ARRDC2: variants seen among roughly 807,000 people sequenced by gnomAD.
ARRDC2 encodes arrestin domain-containing protein 2.
In ARRDC2, 39 loss-of-function variants were observed where a neutral mutation model predicts 38.9. The observed-to-expected ratio is 1.00, with a 90% CI of 0.78 to 1.31. The LOEUF is 1.31. Among genes scored for constraint, ARRDC2 ranks in the 50% most tolerant of loss-of-function variants. The probability of loss-of-function intolerance (pLI) is 0.00; values close to 1 mark genes in which losing one functional copy is unlikely to be tolerated. For synonymous variants in ARRDC2, 300 were observed against 261.9 expected (o/e 1.15, Z -1.41); for missense variants, 553 against 588.4 (o/e 0.94, Z 0.62).
intron 7 of ARRDC2, 21 bp downstream of exon 7, chr19:18,010,750 A>G (rs751466808): frequency 6.2e-7 from 1 of 1,611,662 alleles, no homozygotes; most frequent in Non-Finnish European, 8.5e-7. Context: ...GGGTCTGAGA[A>G]CCACCCATGC....
At chr19:18,003,093 C>G (rs2033209238) in intron 1 of ARRDC2, among the ~76,000 whole-genome samples, 1 of 151,912 alleles carries the variant, frequency 6.6e-6, no homozygotes. Context: ...GAGCGAAACT[C>G]CGTCTCAAAA....
Position 18,008,442 on chromosome 19 carries a change from G to T in ARRDC2, c.132G>T (p.Val44=). Residue 44 remains valine (V), a synonymous_variant, in exon 1 of 8, where the codon GTG becomes GTT. Transcript: ENST00000222250. ...VLLELSSAAR[V]GALRLRARGR... ...TGGAGCTGTCAAGCGCCGCGCGTGT[G>T]GGTGCCCTGAGGCTGCGCGCGCGGG... 6.3e-7 allele frequency: 1 copy of T among 1,578,960 alleles called. No individual in the cohort carries two copies. The highest frequency in any genetic ancestry group is 8.5e-7 in the Non-Finnish European group (1 of 1,170,222).
chr19:18,001,390 C>A lies in ARRDC2; in HGVS notation c.76C>A (p.Arg26=). The stretch of plus-strand genomic sequence containing the variant: ...GGGCGGCGCCTACCGCGGCGGGGAG[C>A]GGCTGTGCGGCCGGGTGCTGCTGGA... Residue 26 remains arginine, a synonymous_variant, in exon 1 of 8, where the codon CGG becomes AGG. Transcript: ENST00000379656. 4 of 1,213,364 alleles carry A rather than the reference C, an allele frequency of 3.3e-6. No individual in the cohort carries two copies. The South Asian group carries it at 1.7e-4, about 50-fold the overall frequency. 75.2% of individuals were successfully genotyped at this position (1,213,364 alleles called of 1,614,324 possible). A position where few individuals can be genotyped will look rare whatever the true frequency, so the allele number is the denominator to read the frequency against.
chr19:18,012,858 T>C (rs2033440928), intron 7 of ARRDC2, 55 bp from the exon 8 acceptor site: 2 of 1,566,600 alleles, frequency 1.3e-6, no homozygotes, highest in African/African-American at 2.7e-5. Flanking sequence ...GGAGCGGTAT[T>C]TCTGAATTTC....
chr19:18,011,728 G>C (rs1449746362), intron 7 of ARRDC2, among the ~76,000 whole-genome samples: 1 of 151,474 alleles, frequency 6.6e-6, no homozygotes, highest in Non-Finnish European at 1.5e-5. Flanking sequence ...AATTACCCAG[G>C]CTTGGTGGAG....
chr19:18,008,133 C>CCCCCCCCCA, upstream of ARRDC2: 3 of 1,290,782 alleles, frequency 2.3e-6, no homozygotes, highest in Non-Finnish European at 3.0e-6. Context: ...CCCCCCCCGC[C>CCCCCCCCCA]CTGCCGTATA....
intron 1 of ARRDC2, 47 bp downstream of exon 1, chr19:18,008,631 C>A: frequency 6.2e-7 from 1 of 1,600,254 alleles, no homozygotes; most frequent in Non-Finnish European, 8.5e-7. Flanking sequence ...GTGCCTCCCA[C>A]CACCTGGACG....
rs199725979 is a variant in ARRDC2 at position 18,009,586 on chromosome 19, C to T, written c.490-6C>T. Reference sequence around the variant, plus strand: ...TCATCCATGTCACTTTCCTCTACACCGACAGGCACCTCAAGCGGGGGCTCG... The same window carrying T: ...TCATCCATGTCACTTTCCTCTACACTGACAGGCACCTCAAGCGGGGGCTCG... On this transcript the variant is annotated splice_region_variant and splice_polypyrimidine_tract_variant and intron_variant, in intron 3 of 7. Transcript: ENST00000222250. 52 of 1,593,200 alleles carry T rather than the reference C, an allele frequency of 3.3e-5. No individual in the cohort carries two copies. Among genetic ancestry groups the T allele is most frequent in the African/African-American group, 9.4e-5 (7 of 74,532 alleles).
At chr19:18,012,617 A>G (rs1170657268) in intron 7 of ARRDC2, among the ~76,000 whole-genome samples, 2 of 152,104 alleles carry the variant, frequency 1.3e-5, no homozygotes, top group Non-Finnish European at 2.9e-5. Context: ...AATAAAGTAC[A>G]CAGGAGGATG....
intron 6 of ARRDC2, 44 bp downstream of exon 6, chr19:18,010,402 C>A: frequency 6.3e-7 from 1 of 1,587,910 alleles, no homozygotes; most frequent in Non-Finnish European, 8.5e-7. Context: ...GGTGGATACA[C>A]GGAGAGGTGG....
intron 4 of ARRDC2, 39 bp from the exon 5 acceptor site, chr19:18,009,743 GC>G (rs755051720): frequency 6.2e-7 from 1 of 1,612,800 alleles, no homozygotes; most frequent in South Asian, 1.1e-5. Context: ...TGTTGGGGTT[GC>G]AGGAGGGGAA....
chr19:18,012,808 A>G (rs7255640), intron 7 of ARRDC2, 105 bp from the exon 8 acceptor site: 279,397 of 1,221,808 alleles, frequency 0.23, 34,512 homozygotes, highest in African/African-American at 0.46. Context: ...TGATGGCCTC[A>G]TCCCTGGTCA....
Position 18,010,053 on chromosome 19 carries a change from C to T in ARRDC2, c.849+14C>T, listed in dbSNP as rs1371899679. 3 of 1,603,760 alleles carry T rather than the reference C, an allele frequency of 1.9e-6. No individual in the cohort carries two copies. The highest frequency in any genetic ancestry group is 2.2e-5 in the South Asian group (2 of 90,868). On this transcript the variant is annotated intron_variant, in intron 5 of 7. Coordinates refer to ENST00000222250, the MANE Select transcript of ARRDC2 (RefSeq NM_015683.2). ...TACGCACTCAAGGTAGGGCATCCTG[C>T]TGGCCCTGGGGGACAGTGCCTACAT...
chr19:18,005,559 A>AG (rs2033255363), upstream of ARRDC2, among the ~76,000 whole-genome samples: 1 of 143,752 alleles, frequency 7.0e-6, no homozygotes, highest in African/African-American at 2.6e-5. Flanking sequence ...ACTTCCCAGT[A>AG]GGGGCGGCCG....
chr19:18,011,971 T>C (rs1298652026), intron 7 of ARRDC2, among the ~76,000 whole-genome samples: 1 of 134,974 alleles, frequency 7.4e-6, no homozygotes, highest in Non-Finnish European at 1.6e-5. Flanking sequence ...TTTTTTTTTT[T>C]TTTGAGATGG....
At position 18,008,485 on chromosome 19, in the gene ARRDC2, T is replaced by C. The variant is rs776724952; in HGVS notation, c.175T>C (p.Trp59Arg). 3 of 1,530,400 alleles carry C rather than the reference T, an allele frequency of 2.0e-6. No individual in the cohort carries two copies. Among genetic ancestry groups the C allele is most frequent in the South Asian group, 1.2e-5 (1 of 84,128 alleles). The allele number at this position is 1,530,400 out of a possible 1,614,324, so 94.8% of individuals were successfully genotyped here. A position where few individuals can be genotyped will look rare whatever the true frequency, so the allele number is the denominator to read the frequency against. ...CGCGCGGGGCCGCGCCCACGTGCAC[T>C]GGACCGAGTCGCGCAGCGCGGGCTC... ...LRARGRAHVH[W>R]TESRSAGSST... is the part of the protein sequence containing the mutation. Residue 59 changes from tryptophan to arginine, a missense_variant, in exon 1 of 8, where the codon TGG becomes CGG. Physicochemically the swap from Trp to Arg is moderately radical, Grantham distance 101. Transcript: ENST00000222250.
chr19:18,010,481 C>G, intron 6 of ARRDC2, 91 bp from the exon 7 acceptor site: 1 of 1,560,590 alleles, frequency 6.4e-7, no homozygotes, highest in Non-Finnish European at 8.7e-7. Flanking sequence ...CCTGGCAGCC[C>G]CAGAGCTGGC....
chr19:18,008,678 C>G, intron 1 of ARRDC2, 33 bp from the exon 2 acceptor site: 1 of 1,610,774 alleles, frequency 6.2e-7, no homozygotes, highest in Non-Finnish European at 8.5e-7. Context: ...CCAGCGCAAC[C>G]GCTCAGTCGC....
upstream of ARRDC2, chr19:18,008,115 G>GTCGCCCCCCC: frequency 1.2e-6 from 1 of 810,032 alleles, no homozygotes; most frequent in Non-Finnish European, 1.7e-6. Context: ...AAGAGACGGT[G>GTCGCCCCCCC]ACCCCACCCC....
Sources: allele counts gnomAD v4.1 joint callset (sites outside exome capture counted in the v4.1 genomes callset), GRCh38; gene constraint gnomAD v4.1.1; transcripts MANE v1.5; gene names NCBI Gene and HGNC (gene_info 2026-07-23, HGNC 2026-07-21).